ACAP1: variants seen among roughly 807,000 people sequenced by gnomAD.
The protein encoded by ACAP1 is arf-GAP with coiled-coil, ANK repeat and PH domain-containing protein 1.
A neutral mutation model predicts 98.8 loss-of-function variants in ACAP1; 45 were observed. That is an observed-to-expected ratio of 0.46 (90% CI 0.36 to 0.58). The LOEUF is 0.58. ACAP1 is among the 20% of genes least tolerant of loss of function. The probability of loss-of-function intolerance (pLI) is 0.00; values close to 1 mark genes in which losing one functional copy is unlikely to be tolerated. For missense variants in ACAP1, 735 were observed against 971.4 expected (o/e 0.76, Z 3.24); for synonymous variants, 362 against 375.3 (o/e 0.96, Z 0.41).
chr17:7,341,173 CAG>C (rs1196370308), intron 2 of ACAP1, among the ~76,000 whole-genome samples: 7 of 152,236 alleles, frequency 4.6e-5, no homozygotes, highest in African/African-American at 1.7e-4. Context: ...TTTTTCGAGA[CAG>C]AGTCTCGGTC....
intron 2 of ACAP1, among the ~76,000 whole-genome samples, chr17:7,340,933 A>C (rs1231990202): frequency 6.6e-6 from 1 of 152,154 alleles, no homozygotes; most frequent in Non-Finnish European, 1.5e-5. Flanking sequence ...CACCCACCTC[A>C]GCCTCCCAAA....
At chr17:7,349,432 A>G (rs1282695455) in intron 18 of ACAP1, 2 of 386,648 alleles carry the variant, frequency 5.2e-6, no homozygotes, top group East Asian at 4.7e-5. Flanking sequence ...CTGGAGTGCA[A>G]TGGTGCGATC....
rs532544207 is a variant in ACAP1 at position 7,346,153 on chromosome 17, C to T, written c.855-91C>T. 2.1e-5 allele frequency: 26 copies of T among 1,225,134 alleles called. No individual in the cohort carries two copies. The Admixed American group carries it at 2.5e-4, about 12-fold the overall frequency. The allele number at this position is 1,225,134 out of a possible 1,614,324, so 75.9% of individuals were successfully genotyped here. A position where few individuals can be genotyped will look rare whatever the true frequency, so the allele number is the denominator to read the frequency against. On this transcript the variant is annotated intron_variant, in intron 10 of 21. Coordinates refer to ENST00000158762, the MANE Select transcript of ACAP1 (RefSeq NM_014716.4). ...CAGTCAGCCCAGGTGTCTGTCCTCTCAGTAAGATCCTCATGGGCAAAAAGC... is the reference window on the plus strand; with the variant it reads ...CAGTCAGCCCAGGTGTCTGTCCTCTTAGTAAGATCCTCATGGGCAAAAAGC...
At chr17:7,336,974 C>A (rs1433120563) in intron 1 of ACAP1, among the ~76,000 whole-genome samples, 187 bp downstream of exon 1, 3 of 152,114 alleles carry the variant, frequency 2.0e-5, no homozygotes, top group Non-Finnish European at 2.9e-5. Flanking sequence ...CCCCTGCATG[C>A]TCCTCCTGGC....
At chr17:7,341,140 T>C (rs1295354586) in intron 2 of ACAP1, among the ~76,000 whole-genome samples, 1 of 152,240 alleles carries the variant, frequency 6.6e-6, no homozygotes, top group Non-Finnish European at 1.5e-5. Flanking sequence ...CAGTAAATAC[T>C]ATAGATTTTA....
intron 12 of ACAP1, 76 bp downstream of exon 12, chr17:7,346,567 T>G: frequency 1.5e-6 from 2 of 1,339,508 alleles, no homozygotes; most frequent in South Asian, 2.8e-5. Flanking sequence ...CCCACCACAA[T>G]GGAGGCCCCC....
chr17:7,346,538 G>A lies in ACAP1; in HGVS notation c.1007+47G>A, dbSNP rs1268498617. ...GATACTCTAATATATCTAAACAACT[G>A]CCAATCTGAAAGGCAGGGCCCACCA... is the stretch of plus-strand genomic sequence containing the variant. On this transcript the variant is annotated intron_variant, in intron 12 of 21. Coordinates refer to ENST00000158762, the MANE Select transcript of ACAP1 (RefSeq NM_014716.4). 11 of 1,493,066 alleles carry A rather than the reference G, an allele frequency of 7.4e-6. No individual in the cohort carries two copies. The South Asian group carries it at 1.3e-4, about 18-fold the overall frequency. The allele number at this position is 1,493,066 out of a possible 1,614,324, so 92.5% of individuals were successfully genotyped here. A position where few individuals can be genotyped will look rare whatever the true frequency, so the allele number is the denominator to read the frequency against.
At position 7,342,662 on chromosome 17, in the gene ACAP1, G is replaced by A. The variant is rs563109139; in HGVS notation, c.344+188G>A. The A allele has an allele frequency of 1.9e-5, 13 of 667,798 alleles. No homozygotes were observed. In the South Asian group the frequency reaches 2.4e-4, roughly 12 times the overall value. 41.4% of individuals were successfully genotyped at this position (667,798 alleles called of 1,614,324 possible). On this transcript the variant is annotated intron_variant, in intron 5 of 21. Transcript: ENST00000158762. ...TGCCTATGATCCCGGCATTTTGGGA[G>A]GCCAAGGCGGGCGGATCACCTGAGG... is the stretch of plus-strand genomic sequence containing the variant.
In ACAP1 at chr17:7,344,800, A is replaced by AT; in HGVS notation, c.854+153dup. On this transcript the variant is annotated intron_variant, in intron 10 of 21. Transcript: ENST00000158762. The surrounding 1 kb of genome is among the most constrained non-coding windows in gnomAD (Gnocchi z 4.9). ...AGCAAAGACAGAGGATAAACCTAGT[A>AT]TGTAAATTACGTGCTATGTTAGAAG... 1 of 624,344 alleles carries AT rather than the reference A, an allele frequency of 1.6e-6. No individual in the cohort carries two copies. The allele number at this position is 624,344 out of a possible 1,614,324, so 38.7% of individuals were successfully genotyped here. A position where few individuals can be genotyped will look rare whatever the true frequency, so the allele number is the denominator to read the frequency against.
chr17:7,350,055 G>GTAGGGATGATGGCA lies in ACAP1; in HGVS notation c.1961+3_1961+16dup. ...ACGCAACCATTCTTGGCCACACGGGGTAGGGATGATGGCATGGGGAGGAAG... is the reference window on the plus strand; with the variant it reads ...ACGCAACCATTCTTGGCCACACGGGGTAGGGATGATGGCATAGGGATGATGGCATGGGGAGGAAG... On this transcript the variant is annotated splice_donor_variant, in intron 19 of 21. Coordinates refer to ENST00000158762, the MANE Select transcript of ACAP1 (RefSeq NM_014716.4). LOFTEE classifies it high-confidence loss of function. This position sits in a 1 kb window ranked among gnomAD's most constrained non-coding sequence, Gnocchi z 4.6. 6.2e-7 allele frequency: 1 copy of GTAGGGATGATGGCA among 1,613,526 alleles called. No homozygotes were observed. Among genetic ancestry groups the GTAGGGATGATGGCA allele is most frequent in the Non-Finnish European group, 8.5e-7 (1 of 1,179,498 alleles).
intron 12 of ACAP1, 89 bp from the exon 13 acceptor site, chr17:7,346,719 A>T: frequency 2.1e-6 from 3 of 1,455,388 alleles, no homozygotes; most frequent in Non-Finnish European, 2.8e-6. Flanking sequence ...GAACTGGTTG[A>T]ATACTGGCTG....
At chr17:7,336,865 A>G (rs533779570) in intron 1 of ACAP1, 78 bp downstream of exon 1, 36 of 1,518,104 alleles carry the variant, frequency 2.4e-5, no homozygotes, top group Non-Finnish European at 3.2e-5. Context: ...TCCCCAGGCC[A>G]GGTCTCCTTC....
At position 7,344,573 on chromosome 17, in the gene ACAP1, G is replaced by A. The variant is rs1472074947; in HGVS notation, c.779G>A (p.Arg260Lys). The change falls in exon 10 of 22, where the codon AGA becomes AAA. Residue 260 changes from arginine to lysine, a missense_variant. Arg to Lys is a conservative substitution (Grantham distance 26). Transcript: ENST00000158762. The surrounding 1 kb of genome is among the most constrained non-coding windows in gnomAD (Gnocchi z 4.9). ...LGGEEPEPSL[R>K]EGPGGLVMEG... ...GGGGAGGAGCCAGAACCAAGCTTAAGAGAGGGGCCTGGTGGCCTGGTGATG... is the reference window on the plus strand; with the variant it reads ...GGGGAGGAGCCAGAACCAAGCTTAAAAGAGGGGCCTGGTGGCCTGGTGATG... 2 of 1,551,592 alleles carry A rather than the reference G, an allele frequency of 1.3e-6. No individual in the cohort carries two copies. The highest frequency in any genetic ancestry group is 1.7e-6 in the Non-Finnish European group (2 of 1,146,994).
rs1233729035 is a variant in ACAP1, at chr17:7,342,171, AG to A, written c.232-101del. On this transcript the variant is annotated intron_variant, in intron 3 of 21. Transcript: ENST00000158762. ...GGGTCTGCAGGTTCCAGGCCACAGCAGGGCTGGGCTGCTGTCCATGACAGCC... is the reference window on the plus strand; with the variant it reads ...GGGTCTGCAGGTTCCAGGCCACAGCAGGCTGGGCTGCTGTCCATGACAGCC... 1.1e-5 allele frequency: 18 copies of A among 1,607,438 alleles called. No individual in the cohort carries two copies. In the South Asian group the frequency reaches 2.0e-4, roughly 18 times the overall value.
At chr17:7,351,147 G>A in intron 21 of ACAP1, 148 bp downstream of exon 21, 1 of 1,106,718 alleles carries the variant, frequency 9.0e-7, no homozygotes, top group South Asian at 1.4e-5. Flanking sequence ...CCAGGCCCTG[G>A]CAAGGCATAG....
At position 7,343,335 on chromosome 17, in the gene ACAP1, A is replaced by C; in HGVS notation, c.345-44A>C. ...TACCCTGGGAATGCTCTGCTGGGGC[A>C]GGTGGGTGTTAGCTGCGATTCTGTG... is the stretch of plus-strand genomic sequence containing the variant. On this transcript the variant is annotated intron_variant, in intron 5 of 21. Transcript: ENST00000158762. The surrounding 1 kb of genome is among the most constrained non-coding windows in gnomAD (Gnocchi z 4.9). The C allele has an allele frequency of 6.4e-7, 1 of 1,570,612 alleles. No homozygotes were observed. The highest frequency in any genetic ancestry group is 8.7e-7 in the Non-Finnish European group (1 of 1,152,750).
chr17:7,348,828 C>T (rs779908285), intron 17 of ACAP1, 167 bp from the exon 18 acceptor site: 22 of 650,272 alleles, frequency 3.4e-5, no homozygotes, highest in Middle Eastern at 4.2e-4. Context: ...CACATGCATA[C>T]GCATACTTAC....
Position 7,350,777 on chromosome 17 carries a change from A to AT in ACAP1, c.2073-167dup, listed in dbSNP as rs1413997996. 3.4e-6 allele frequency: 2 copies of AT among 591,832 alleles called. No individual in the cohort carries two copies. The highest frequency in any genetic ancestry group is 1.9e-5 in the African/African-American group (1 of 53,210). 36.7% of individuals were successfully genotyped at this position (591,832 alleles called of 1,614,324 possible). On this transcript the variant is annotated intron_variant, in intron 20 of 21. Transcript: ENST00000158762. The surrounding 1 kb of genome is among the most constrained non-coding windows in gnomAD (Gnocchi z 4.6). ...AGGCGTGCGCCACCACCCCCGGCTA[A>AT]TTTTTTGTATTTTTAGTAGAGACGG...
intron 15 of ACAP1, 51 bp from the exon 16 acceptor site, chr17:7,348,076 G>A (rs776519053): frequency 6.2e-7 from 1 of 1,610,972 alleles, no homozygotes; most frequent in Non-Finnish European, 8.5e-7. Flanking sequence ...TCCCTGAGGA[G>A]TCACTCACCC....
Sources: allele counts gnomAD v4.1 joint callset (sites outside exome capture counted in the v4.1 genomes callset), GRCh38; gene constraint gnomAD v4.1.1; non-coding constraint Gnocchi (gnomAD v3.1); transcripts MANE v1.5; gene names NCBI Gene and HGNC (gene_info 2026-07-23, HGNC 2026-07-21).